Variants in SLC2A11 observed in about 807,000 individuals in gnomAD.
The protein encoded by SLC2A11 is solute carrier family 2 member 11, also known as solute carrier family 2, facilitated glucose transporter member 11.
In SLC2A11, 43 loss-of-function variants were observed where a neutral mutation model predicts 52.1. The observed-to-expected ratio is 0.82, with a 90% confidence interval of 0.65 to 1.06. The LOEUF is 1.06. Ranked by LOEUF, SLC2A11 falls within the 50% of genes least tolerant of loss-of-function variation. SLC2A11 has a pLI of 0.00. For synonymous variants in SLC2A11, 261 were observed against 277.6 expected (o/e 0.94, Z 0.59); for missense variants, 582 against 654.2 (o/e 0.89, Z 1.20).
chr22:23,858,585 T>C (rs2031942245), intron 1 of SLC2A11, among the ~76,000 whole-genome samples: 1 of 152,190 alleles, frequency 6.6e-6, no homozygotes, highest in South Asian at 2.1e-4. Flanking sequence ...GACAGCCTTA[T>C]TTAAAATAGC....
At chr22:23,861,678 C>CG (rs2032073817) in intron 1 of SLC2A11, among the ~76,000 whole-genome samples, 1 of 147,088 alleles carries the variant, frequency 6.8e-6, no homozygotes, top group African/African-American at 2.6e-5. Context: ...TTCCTGGAGC[C>CG]TGGCCACTCT....
rs77531004 is a variant in SLC2A11 at position 23,875,750 on chromosome 22, A to G, written c.415+509A>G. ...ATACAGCCCAGTGGTGATGTTATCT[A>G]TATGATGCTATCTATATTAGTTATC... On this transcript the variant is annotated intron_variant, in intron 4 of 11. Transcript: ENST00000316185. 8.1e-3 allele frequency among the ~76,000 whole-genome samples: 1,230 copies of G among 152,318 alleles called. 13 individuals are homozygous for G. The highest frequency in any genetic ancestry group is 0.028 in the African/African-American group (1,183 of 41,572).
At chr22:23,872,672 G>A (rs1425503895) in intron 3 of SLC2A11, 1 of 152,238 alleles carries the variant, frequency 6.6e-6, no homozygotes, top group African/African-American at 2.4e-5. Flanking sequence ...ACCTGATGTG[G>A]TATTCTGCTG....
At chr22:23,880,502 T>C (rs1195956269) in intron 6 of SLC2A11, 1 of 152,170 alleles carries the variant, frequency 6.6e-6, no homozygotes, top group Non-Finnish European at 1.5e-5. Flanking sequence ...ATTTAGGGTA[T>C]GTCAGGCTAC....
chr22:23,875,282 T>G, intron 4 of SLC2A11, 41 bp downstream of exon 4: 1 of 1,346,692 alleles, frequency 7.4e-7, no homozygotes, highest in Non-Finnish European at 9.6e-7. Context: ...TCTATGCCTA[T>G]TAATTAATAA....
chr22:23,882,427 C>G (rs577678827), intron 6 of SLC2A11, 32 bp from the exon 7 acceptor site: 1 of 1,483,506 alleles, frequency 6.7e-7, no homozygotes, highest in Non-Finnish European at 8.9e-7. Flanking sequence ...GGCTTGGGGA[C>G]GGGGAGCTCA....
chr22:23,867,046 T>C (rs2032289763), intron 2 of SLC2A11: 1 of 152,332 alleles, frequency 6.6e-6, no homozygotes, highest in African/African-American at 2.4e-5. Context: ...AGTTGGTCAG[T>C]AAGGGAGCCT....
At chr22:23,871,624 C>G (rs2032459934) in intron 3 of SLC2A11, 1 of 151,584 alleles carries the variant, frequency 6.6e-6, no homozygotes, top group African/African-American at 2.4e-5. Context: ...TGCCTGTAGT[C>G]CCAGCTACTC....
At chr22:23,857,799 A>G, upstream of SLC2A11, 1 of 1,458,118 alleles carries the variant, frequency 6.9e-7, no homozygotes. Context: ...CGCTCTCAAT[A>G]CCCACTGCGC....
upstream of SLC2A11, chr22:23,857,579 C>CCA: frequency 6.8e-7 from 1 of 1,461,318 alleles, no homozygotes; most frequent in Non-Finnish European, 9.4e-7. Flanking sequence ...GACCCCAAAC[C>CCA]CCCCCCCCGC....
In SLC2A11 at chr22:23,882,523, C is replaced by A; in HGVS notation, c.759C>A (p.Arg253=). 1 of 1,595,234 alleles carries A rather than the reference C, an allele frequency of 6.3e-7. No individual in the cohort carries two copies. Among genetic ancestry groups the A allele is most frequent in the Non-Finnish European group, 8.5e-7 (1 of 1,172,570 alleles). ...AGELEELEEE[R]AACQGCRARR... is the part of the protein sequence containing the mutation. ...AGCTGGAGGAGCTGGAGGAGGAGCG[C>A]GCTGCCTGCCAGGGCTGCCGTGCCC... Residue 253 remains arginine (R), a synonymous_variant, in exon 7 of 12, where the codon CGC becomes CGA. Transcript: ENST00000316185.
upstream of SLC2A11, chr22:23,857,444 G>A (rs2031875055): frequency 1.9e-6 from 3 of 1,612,924 alleles, no homozygotes; most frequent in South Asian, 1.1e-5. Flanking sequence ...GCTTAGCCGA[G>A]TAAGGAGTGA....
chr22:23,857,082 G>C (rs151236189), upstream of SLC2A11: 1 of 1,208,816 alleles, frequency 8.3e-7, no homozygotes, highest in Non-Finnish European at 1.2e-6. Context: ...GTGGGGGGGG[G>C]GGGGTGTAGG....
In SLC2A11 at chr22:23,884,853, C is replaced by T. The variant is rs1375986463; in HGVS notation, c.*4C>T. The T allele has an allele frequency of 1.2e-6, 2 of 1,613,786 alleles. No individual in the cohort carries two copies. The highest frequency in any genetic ancestry group is 3.3e-5 in the Admixed American group (2 of 60,006). On this transcript the variant is annotated 3_prime_UTR_variant, in exon 12 of 12. Coordinates refer to ENST00000316185, the MANE Select transcript of SLC2A11 (RefSeq NM_001024939.4). The surrounding 1 kb of genome is among the most constrained non-coding windows in gnomAD (Gnocchi z 4.3). ...TATCCAGTCAACAGAACTCTAGTCC[C>T]AAAGGGGTGGCCAGAGCCAAAGCCA...
intron 6 of SLC2A11, among the ~76,000 whole-genome samples, chr22:23,878,109 G>C (rs17004025): frequency 6.6e-6 from 1 of 152,174 alleles, no homozygotes; most frequent in Admixed American, 6.5e-5. Flanking sequence ...ACTCCAGAGC[G>C]GTGCGGAGAA....
rs2032877081 is a variant in SLC2A11, at chr22:23,882,878, G to T, written c.993+9G>T. ...TCACGGCGGTTGTTAGTGTGAGTCT[G>T]GAGGGTGCCCTTCCTCCACCAGCCC... On this transcript the variant is annotated intron_variant, in intron 8 of 11. Coordinates refer to ENST00000316185, the MANE Select transcript of SLC2A11 (RefSeq NM_001024939.4). The T allele has an allele frequency of 1.2e-6, 2 of 1,605,190 alleles. No individual in the cohort carries two copies. The highest frequency in any genetic ancestry group is 2.7e-5 in the African/African-American group (2 of 74,682).
intron 4 of SLC2A11, 25 bp from the exon 5 acceptor site, chr22:23,877,017 G>A (rs761194791): frequency 1.9e-5 from 30 of 1,613,590 alleles, no homozygotes; most frequent in Non-Finnish European, 2.0e-5. Context: ...GGTGGCTGAC[G>A]TGCCTCTGCT....
chr22:23,883,420 G>A (rs915259171), intron 8 of SLC2A11: 18 of 353,406 alleles, frequency 5.1e-5, no homozygotes, highest in African/African-American at 2.6e-4. Flanking sequence ...GCAGTAAACC[G>A]AGATTGTGCC....
chr22:23,871,361 T>C, intron 3 of SLC2A11: 1 of 149,032 alleles, frequency 6.7e-6, no homozygotes, highest in Non-Finnish European at 1.5e-5. Flanking sequence ...TGAGCCAAGA[T>C]TGTGCCACTG....
Sources: gnomAD v4.1 joint callset for allele counts (sites outside exome capture counted in the v4.1 genomes callset) on GRCh38, gnomAD v4.1.1 for gene constraint, Gnocchi (gnomAD v3.1) non-coding constraint, MANE v1.5 for transcripts, NCBI Gene and HGNC (gene_info 2026-07-23, HGNC 2026-07-21) for gene names.